The following TRIB3 variants were observed in gnomAD, a reference collection of about 807,000 sequenced individuals.
The protein encoded by TRIB3 is tribbles pseudokinase 3.
Under a neutral mutation model 16.6 loss-of-function variants are expected in TRIB3, and 20 were observed. The observed-to-expected ratio is 1.20, with a 90% CI of 0.85 to 1.75. The LOEUF is 1.75. Among genes scored for constraint, TRIB3 ranks in the 40% most tolerant of loss-of-function variants. The pLI, the probability that TRIB3 is intolerant of heterozygous loss-of-function variation, is 0.00. For synonymous variants in TRIB3, 208 were observed against 217.0 expected (o/e 0.96, Z 0.36); for missense variants, 484 against 488.9 (o/e 0.99, Z 0.10).
In TRIB3 at chr20:396,568, C is replaced by T; in HGVS notation, c.955C>T (p.Pro319Ser). 6.2e-7 allele frequency: 1 copy of T among 1,613,150 alleles called. No homozygotes were observed. Among genetic ancestry groups the T allele is most frequent in the African/African-American group, 1.3e-5 (1 of 75,060 alleles). ...CCTGCACCCCTGGCTGCGACAGGAC[C>T]CGATGCCCTTAGCCCCAACCCGATC... is the stretch of plus-strand genomic sequence containing the variant. ...ILLHPWLRQD[P>S]MPLAPTRSHL... is the part of the protein sequence containing the mutation. The change falls in exon 4 of 4, where the codon CCG (proline) becomes TCG (serine). Residue 319 changes from proline (P) to serine (S), a missense_variant. Coordinates refer to ENST00000217233, the MANE Select transcript of TRIB3 (RefSeq NM_021158.5).
intron 3 of TRIB3, among the ~76,000 whole-genome samples, chr20:393,389 T>TG (rs1252410465): frequency 5.3e-5 from 8 of 151,942 alleles, no homozygotes; most frequent in African/African-American, 1.9e-4. Context: ...TGGAGTGCAG[T>TG]GGTGTGATCA....
chr20:382,130 TGCGC>T lies in TRIB3; in HGVS notation c.-1+970_-1+973del, dbSNP rs907553634. Among the ~76,000 whole-genome samples, 1,179 of 135,172 alleles carry T rather than the reference TGCGC, an allele frequency of 8.7e-3. 20 individuals carry two copies. The highest frequency in any genetic ancestry group is 0.028 in the African/African-American group (1,077 of 38,340). The allele number at this position is 135,172 out of a possible 152,430, so 88.7% of individuals were successfully genotyped here. On this transcript the variant is annotated intron_variant, in intron 1 of 3. Coordinates refer to ENST00000217233, the MANE Select transcript of TRIB3 (RefSeq NM_021158.5). ...GTGTGTGTGTGTGTGTGTGTGTGCG[TGCGC>T]GCGCGCGCTTGCGCTTGATGTAACC...
At chr20:382,686 A>G in intron 1 of TRIB3, 1 of 1,109,028 alleles carries the variant, frequency 9.0e-7, no homozygotes, top group Non-Finnish European at 1.3e-6. Context: ...AAAACCTGTA[A>G]GCTTTGCATC....
rs183785639 is a variant in TRIB3, at chr20:386,034, A to T, written c.1-1977A>T. ...CACCACACCCAGCTAATTAAAAAAA[A>T]ATTTTTTTTTGTAGAGACAGGGTCT... On this transcript the variant is annotated intron_variant, in intron 1 of 3. Coordinates refer to ENST00000217233, the MANE Select transcript of TRIB3 (RefSeq NM_021158.5). 1.9e-3 allele frequency among the ~76,000 whole-genome samples: 284 copies of T among 151,738 alleles called. 1 individual carries two copies. Among genetic ancestry groups the T allele is most frequent in the Middle Eastern group, 6.8e-3 (2 of 294 alleles).
At chr20:387,638 A>T (rs2014855334) in intron 1 of TRIB3, among the ~76,000 whole-genome samples, 1 of 151,658 alleles carries the variant, frequency 6.6e-6, no homozygotes, top group Non-Finnish European at 1.5e-5. Flanking sequence ...CATCTTGGAG[A>T]TCAGTACGCA....
chr20:394,693 G>A (rs2015077636), intron 3 of TRIB3, among the ~76,000 whole-genome samples: 1 of 152,070 alleles, frequency 6.6e-6, no homozygotes, highest in Non-Finnish European at 1.5e-5. Flanking sequence ...GGCTGAGGCA[G>A]GAGGATTGCT....
At position 394,831 on chromosome 20, in the gene TRIB3, T is replaced by C. The variant is rs149441028; in HGVS notation, c.585-1367T>C. On this transcript the variant is annotated intron_variant, in intron 3 of 3. Coordinates refer to ENST00000217233, the MANE Select transcript of TRIB3 (RefSeq NM_021158.5). ...AAAAAGAAAAATCACATGAGAGTCATTGGTAGAAGAGGGACCGTGAGTTAG... is the reference window on the plus strand; with the variant it reads ...AAAAAGAAAAATCACATGAGAGTCACTGGTAGAAGAGGGACCGTGAGTTAG... 8.6e-5 allele frequency among the ~76,000 whole-genome samples: 13 copies of C among 151,972 alleles called. No homozygotes were observed. In the East Asian group the frequency reaches 2.3e-3, roughly 27 times the overall value.
At position 380,983 on chromosome 20, in the gene TRIB3, G is replaced by GGGCCGGC. The variant is rs2014622679; in HGVS notation, c.-187_-186insGGCCGGC. 6.6e-6 allele frequency: 1 copy of GGGCCGGC among 152,132 alleles called. No homozygotes were observed. The highest frequency in any genetic ancestry group is 1.5e-5 in the Non-Finnish European group (1 of 67,998). 9.4% of individuals were successfully genotyped at this position (152,132 alleles called of 1,614,324 possible). On this transcript the variant is annotated 5_prime_UTR_variant, in exon 1 of 4. It removes the in-frame stop codon of an upstream open reading frame in the 5' UTR. Coordinates refer to ENST00000217233, the MANE Select transcript of TRIB3 (RefSeq NM_021158.5). ...TTGCATCACCCGGACCGGGGGCCGG[G>GGGCCGGC]CGCGCACGAGACTCGCAGCGGAAGT...
intron 1 of TRIB3, chr20:382,324 A>C: frequency 1.8e-6 from 1 of 556,942 alleles, no homozygotes; most frequent in Non-Finnish European, 3.2e-6. Context: ...ATCTGGGTGG[A>C]GCTTATCCCA....
At position 380,763 on chromosome 20, in the gene TRIB3, C is replaced by A. The variant is rs1312580890; in HGVS notation, c.-407C>A. 6.6e-6 allele frequency: 1 copy of A among 151,808 alleles called. No individual in the cohort carries two copies. Among genetic ancestry groups the A allele is most frequent in the Non-Finnish European group, 1.5e-5 (1 of 68,032 alleles). 9.4% of individuals were successfully genotyped at this position (151,808 alleles called of 1,614,324 possible). A position where few individuals can be genotyped will look rare whatever the true frequency, so the allele number is the denominator to read the frequency against. On this transcript the variant is annotated 5_prime_UTR_variant, in exon 1 of 4. Transcript: ENST00000217233. ...GTGGCTGATGTCTGCACTGACCAGA[C>A]GCCCCTAGGGGGCCAGCGAGGGCGG... is the stretch of plus-strand genomic sequence containing the variant.
Position 396,818 on chromosome 20 carries a change from GTGGAGTGTGCTGTGTACACATCTGCT to G in TRIB3, c.*130_*155del. 1 of 1,393,126 alleles carries G rather than the reference GTGGAGTGTGCTGTGTACACATCTGCT, an allele frequency of 7.2e-7. No individual in the cohort carries two copies. The highest frequency in any genetic ancestry group is 9.6e-7 in the Non-Finnish European group (1 of 1,038,856). The allele number at this position is 1,393,126 out of a possible 1,614,324, so 86.3% of individuals were successfully genotyped here. On this transcript the variant is annotated 3_prime_UTR_variant, in exon 4 of 4. Coordinates refer to ENST00000217233, the MANE Select transcript of TRIB3 (RefSeq NM_021158.5). Reference sequence around the variant, plus strand: ...AGAAGGGAGAAAGGCAGAAGCCTGTGTGGAGTGTGCTGTGTACACATCTGCTTTGTTCCACACACATGCAGTTCCTG... The same window carrying G: ...AGAAGGGAGAAAGGCAGAAGCCTGTGTTGTTCCACACACATGCAGTTCCTG...
intron 2 of TRIB3, among the ~76,000 whole-genome samples, chr20:391,001 C>CAAA (rs11374668): frequency 0.086 from 7,348 of 85,282 alleles, 762 homozygotes; most frequent in South Asian, 0.19. Context: ...GACTCCGTCT[C>CAAA]AAAAAAAAAA....
intron 3 of TRIB3, among the ~76,000 whole-genome samples, chr20:392,118 C>T (rs774435190): frequency 6.6e-6 from 1 of 152,052 alleles, no homozygotes; most frequent in East Asian, 1.9e-4. Flanking sequence ...CCGACAGTGA[C>T]GAAAGCATCG....
intron 2 of TRIB3, among the ~76,000 whole-genome samples, chr20:388,773 C>T (rs1006540576): frequency 6.6e-6 from 1 of 152,150 alleles, no homozygotes; most frequent in African/African-American, 2.4e-5. Context: ...GGGGCCTCCA[C>T]TGGGCTGTGC....
chr20:382,702 C>G, intron 1 of TRIB3: 2 of 971,082 alleles, frequency 2.1e-6, no homozygotes, highest in South Asian at 1.4e-5. Context: ...GCATCCTGTT[C>G]CCACTTTACA....
rs778189713 is a variant in TRIB3 at position 396,345 on chromosome 20, C to T, written c.732C>T (p.Val244=). The T allele has an allele frequency of 7.4e-6, 12 of 1,613,672 alleles. No individual in the cohort carries two copies. In the Admixed American group the frequency reaches 8.3e-5, roughly 11 times the overall value. The part of the protein sequence containing the change: ...RASYSGKAAD[V]WSLGVALFTM... ...CATACTCGGGCAAGGCAGCCGATGTCTGGAGCCTGGGCGTGGCGCTCTTCA... is the reference window on the plus strand; with the variant it reads ...CATACTCGGGCAAGGCAGCCGATGTTTGGAGCCTGGGCGTGGCGCTCTTCA... The change falls in exon 4 of 4, where the codon GTC becomes GTT. Residue 244 remains valine, a synonymous_variant. Coordinates refer to ENST00000217233, the MANE Select transcript of TRIB3 (RefSeq NM_021158.5).
Position 382,743 on chromosome 20 carries a change from T to G in TRIB3, c.-1+1574T>G, listed in dbSNP as rs1891894239. On this transcript the variant is annotated intron_variant, in intron 1 of 3. Transcript: ENST00000217233. Reference sequence around the variant, plus strand: ...TGAGGCTCAGAAAGCTTGAGGAACTTGACCAGGGGTACCCCCCAGCTAGAA... The same window carrying G: ...TGAGGCTCAGAAAGCTTGAGGAACTGGACCAGGGGTACCCCCCAGCTAGAA... The G allele has an allele frequency of 1.7e-5, 12 of 724,340 alleles. No individual in the cohort carries two copies. In the Admixed American group the frequency reaches 2.5e-4, roughly 15 times the overall value. 44.9% of individuals were successfully genotyped at this position (724,340 alleles called of 1,614,324 possible).
chr20:381,935 C>A (rs2014666018), intron 1 of TRIB3, among the ~76,000 whole-genome samples: 1 of 152,182 alleles, frequency 6.6e-6, no homozygotes, highest in African/African-American at 2.4e-5. Flanking sequence ...TGCCTCACCC[C>A]CCTCCTGTCC....
At chr20:389,056 C>T (rs1395477637) in intron 2 of TRIB3, among the ~76,000 whole-genome samples, 2 of 152,134 alleles carry the variant, frequency 1.3e-5, no homozygotes, top group Non-Finnish European at 1.5e-5. Context: ...AGGACACTGA[C>T]AAGTGACAGT....
Sources: allele counts gnomAD v4.1 joint callset (sites outside exome capture counted in the v4.1 genomes callset), GRCh38; gene constraint gnomAD v4.1.1; transcripts MANE v1.5; gene names NCBI Gene and HGNC (gene_info 2026-07-23, HGNC 2026-07-21).